The following PRMT2 variants were observed in gnomAD, a reference collection of about 807,000 sequenced individuals.
PRMT2 encodes protein arginine methyltransferase 2, also known as protein arginine N-methyltransferase 2.
In PRMT2, 26 loss-of-function variants were observed where a neutral mutation model predicts 57.6. That is an observed-to-expected ratio of 0.45 (90% confidence interval 0.33 to 0.63). The LOEUF is 0.63. Ranked by LOEUF, PRMT2 falls within the 20% of genes least tolerant of loss-of-function variation. PRMT2 has a pLI of 0.02. For missense variants in PRMT2, 472 were observed against 564.4 expected, an observed-to-expected ratio of 0.84 and a Z score of 1.66; for synonymous variants, 219 against 220.0, an observed-to-expected ratio of 1.00 and a Z score of 0.04.
chr21:46,647,624 C>G (rs985935104), intron 5 of PRMT2, among the ~76,000 whole-genome samples: 1 of 152,172 alleles, frequency 6.6e-6, no homozygotes, highest in African/African-American at 2.4e-5. Context: ...CTTAGCTTCC[C>G]AAAGTACTGG....
chr21:46,643,147 C>T (rs1184880542), intron 3 of PRMT2: 1 of 155,702 alleles, frequency 6.4e-6, no homozygotes, highest in Non-Finnish European at 1.4e-5. Flanking sequence ...TTTCCACAGG[C>T]CCCTGGCTGT....
At position 46,661,807 on chromosome 21, in the gene PRMT2, G is replaced by T; in HGVS notation, c.968G>T (p.Arg323Met). Residue 323 changes from arginine (R) to methionine (M), a missense_variant, in exon 10 of 12, where the codon AGG (arginine) becomes ATG (methionine). Arg to Met is a moderately conservative substitution (Grantham distance 91). Transcript: ENST00000355680. ...GTCATCTGCTTGACCCAGACCCTGAGGGGCGAGCTGCGCTTCGACATCAGG... is the reference window on the plus strand; with the variant it reads ...GTCATCTGCTTGACCCAGACCCTGATGGGCGAGCTGCGCTTCGACATCAGG... ...TVQISDLETL[R>M]GELRFDIRKA... 5 of 1,443,600 alleles carry T rather than the reference G, an allele frequency of 3.5e-6. No individual in the cohort carries two copies. Among genetic ancestry groups the T allele is most frequent in the Non-Finnish European group, 4.6e-6 (5 of 1,088,356 alleles). 89.4% of individuals were successfully genotyped at this position (1,443,600 alleles called of 1,614,324 possible).
intron 3 of PRMT2, among the ~76,000 whole-genome samples, chr21:46,640,259 G>A (rs567315507): frequency 1.3e-5 from 2 of 152,146 alleles, no homozygotes; most frequent in Admixed American, 6.5e-5. Flanking sequence ...TTTTTATGAA[G>A]TAAAATAAAT....
chr21:46,651,276 G>A (rs1222694810), intron 7 of PRMT2, among the ~76,000 whole-genome samples: 1 of 152,206 alleles, frequency 6.6e-6, no homozygotes, highest in African/African-American at 2.4e-5. Flanking sequence ...CCTGGCGTGA[G>A]CAGGACGGTG....
chr21:46,653,401 G>A (rs1326989623), intron 7 of PRMT2: 3 of 985,276 alleles, frequency 3.0e-6, no homozygotes, highest in Non-Finnish European at 3.6e-6. Flanking sequence ...TAGAATGTGT[G>A]GTGTAGATGA....
At chr21:46,656,406 T>C (rs2061542207) in intron 7 of PRMT2, among the ~76,000 whole-genome samples, 1 of 152,184 alleles carries the variant, frequency 6.6e-6, no homozygotes, top group South Asian at 2.1e-4. Flanking sequence ...GCTGATAGAA[T>C]TTTTTAAAAG....
rs1189460780 is a variant in PRMT2, at chr21:46,649,520, G to C, written c.490-55G>C. On this transcript the variant is annotated intron_variant, in intron 6 of 11. Coordinates refer to ENST00000355680, the MANE Select transcript of PRMT2 (RefSeq NM_206962.4). The surrounding 1 kb of genome is among the most constrained non-coding windows in gnomAD (Gnocchi z 4.8). Reference sequence around the variant, plus strand: ...ATGCTGGTTGTGACTCAGGAGAGTAGATGACGGGCCGTGTGCCGGCCGGAT... The same window carrying C: ...ATGCTGGTTGTGACTCAGGAGAGTACATGACGGGCCGTGTGCCGGCCGGAT... 1 of 1,612,676 alleles carries C rather than the reference G, an allele frequency of 6.2e-7. No individual in the cohort carries two copies. Among genetic ancestry groups the C allele is most frequent in the Admixed American group, 1.7e-5 (1 of 60,026 alleles).
chr21:46,664,229 G>A, intron 11 of PRMT2, 66 bp from the exon 12 acceptor site: 2 of 1,362,374 alleles, frequency 1.5e-6, no homozygotes, highest in Middle Eastern at 1.8e-4. Flanking sequence ...TAAACCATTA[G>A]GAAATGTAGT....
chr21:46,656,903 A>G (rs2061548835), intron 7 of PRMT2: 2 of 152,222 alleles, frequency 1.3e-5, no homozygotes, highest in African/African-American at 4.8e-5. Context: ...TTAGGAGAAA[A>G]TATTGCAAAG....
Position 46,648,690 on chromosome 21 carries a change from G to T in PRMT2, c.489+71G>T. On this transcript the variant is annotated intron_variant, in intron 6 of 11. Transcript: ENST00000355680. The surrounding 1 kb of genome is among the most constrained non-coding windows in gnomAD (Gnocchi z 4.8). ...GTGACGTCCGAGGTGGCCTCTGAGT[G>T]TGCTGACTTGTGACCCTGAGCTGTT... 1 of 1,559,654 alleles carries T rather than the reference G, an allele frequency of 6.4e-7. No homozygotes were observed. The highest frequency in any genetic ancestry group is 8.7e-7 in the Non-Finnish European group (1 of 1,144,282).
At position 46,648,421 on chromosome 21, in the gene PRMT2, G is replaced by A. The variant is rs1334137682; in HGVS notation, c.328-37G>A. Reference sequence around the variant, plus strand: ...AGTCCAGACCTCAGCATGGCTCTAGGTCACAGGCAGTGATTCTGAATGTGC... The same window carrying A: ...AGTCCAGACCTCAGCATGGCTCTAGATCACAGGCAGTGATTCTGAATGTGC... On this transcript the variant is annotated intron_variant, in intron 5 of 11. Coordinates refer to ENST00000355680, the MANE Select transcript of PRMT2 (RefSeq NM_206962.4). The surrounding 1 kb of genome is among the most constrained non-coding windows in gnomAD (Gnocchi z 4.8). 1 of 1,608,844 alleles carries A rather than the reference G, an allele frequency of 6.2e-7. No individual in the cohort carries two copies. Among genetic ancestry groups the A allele is most frequent in the Non-Finnish European group, 8.5e-7 (1 of 1,176,742 alleles).
intron 7 of PRMT2, chr21:46,654,009 G>A: frequency 2.0e-6 from 2 of 995,146 alleles, no homozygotes; most frequent in Non-Finnish European, 2.4e-6. Flanking sequence ...TTAATCAGCA[G>A]CTTGCACTTC....
chr21:46,653,146 C>G lies in PRMT2; in HGVS notation c.654+3407C>G, dbSNP rs961862415. ...GAATAAAGAATTTGGACCAAAATTACAACCACATTATGACGAATTTTCTAA... is the reference window on the plus strand; with the variant it reads ...GAATAAAGAATTTGGACCAAAATTAGAACCACATTATGACGAATTTTCTAA... On this transcript the variant is annotated intron_variant, in intron 7 of 11. Transcript: ENST00000355680. The G allele has an allele frequency of 1.3e-5, 13 of 985,282 alleles. No individual in the cohort carries two copies. In the African/African-American group the frequency reaches 1.7e-4, roughly 13 times the overall value. The allele number at this position is 985,282 out of a possible 1,614,324, so 61.0% of individuals were successfully genotyped here.
At chr21:46,638,940 TA>T (rs1026512699) in intron 3 of PRMT2, among the ~76,000 whole-genome samples, 2 of 152,226 alleles carry the variant, frequency 1.3e-5, no homozygotes, top group Non-Finnish European at 2.9e-5. Flanking sequence ...GGTTAATTTT[TA>T]TAACATCTGA....
intron 3 of PRMT2, among the ~76,000 whole-genome samples, chr21:46,637,672 A>G (rs1437104806): frequency 6.6e-6 from 1 of 152,110 alleles, no homozygotes; most frequent in Non-Finnish European, 1.5e-5. Context: ...TTCTTTTGAG[A>G]AATTTAACAA....
At chr21:46,652,285 A>G (rs2061471615) in intron 7 of PRMT2, 2 of 1,302,994 alleles carry the variant, frequency 1.5e-6, no homozygotes, top group Admixed American at 3.5e-5. Context: ...CCAAGTTCAT[A>G]ATGAAGCTGT....
chr21:46,661,106 T>G (rs1025121691), intron 9 of PRMT2, 144 bp downstream of exon 9: 2 of 844,438 alleles, frequency 2.4e-6, no homozygotes, highest in Non-Finnish European at 3.4e-6. Context: ...AATAAGTGAA[T>G]TTATAAAACG....
chr21:46,659,370 C>A, intron 8 of PRMT2: 1 of 986,730 alleles, frequency 1.0e-6, no homozygotes, highest in Non-Finnish European at 1.2e-6. Context: ...TAGATAGAAT[C>A]TGGCAGTCTA....
intron 3 of PRMT2, among the ~76,000 whole-genome samples, chr21:46,641,184 G>A (rs1194946337): frequency 1.3e-5 from 2 of 148,834 alleles, no homozygotes; most frequent in African/African-American, 4.9e-5. Flanking sequence ...GAAATAAAAT[G>A]TCATCACATA....
Sources: gnomAD v4.1 joint callset for allele counts (sites outside exome capture counted in the v4.1 genomes callset) on GRCh38, gnomAD v4.1.1 for gene constraint, Gnocchi (gnomAD v3.1) non-coding constraint, MANE v1.5 for transcripts, NCBI Gene and HGNC (gene_info 2026-07-23, HGNC 2026-07-21) for gene names.